The following C12orf54 variants were observed in gnomAD, a reference collection of about 807,000 sequenced individuals.
C12orf54 encodes the protein uncharacterized protein C12orf54.
A neutral mutation model predicts 26.4 loss-of-function variants in C12orf54; 24 were observed. That is an observed-to-expected ratio of 0.91 (90% confidence interval 0.66 to 1.28). The LOEUF (loss-of-function observed/expected upper bound fraction) is 1.28, where lower values mean the gene tolerates loss of function less well. Ranked by LOEUF, C12orf54 falls within the 50% of genes most tolerant of loss-of-function variation. C12orf54 has a pLI of 0.00. For synonymous variants in C12orf54, 54 were observed against 47.0 expected (o/e 1.15, Z -0.61); for missense variants, 154 against 150.9 (o/e 1.02, Z -0.11).
chr12:48,466,788 T>A, the C12orf54 span, among the ~76,000 whole-genome samples: 1 of 152,156 alleles, frequency 6.6e-6, no homozygotes, highest in South Asian at 2.1e-4. Flanking sequence ...ATTAATTTTT[T>A]AAATATACAA....
At chr12:48,474,766 A>G in the C12orf54 span, among the ~76,000 whole-genome samples, 1 of 152,258 alleles carries the variant, frequency 6.6e-6, no homozygotes, top group Non-Finnish European at 1.5e-5. Flanking sequence ...AACTGGGTGG[A>G]GCCCACCACA....
At chr12:48,418,214 A>G in the C12orf54 span, among the ~76,000 whole-genome samples, 5 of 152,230 alleles carry the variant, frequency 3.3e-5, no homozygotes, top group Non-Finnish European at 5.9e-5. Context: ...AAAGCAAAGC[A>G]TGTATAAAAT....
the C12orf54 span, among the ~76,000 whole-genome samples, chr12:48,468,016 T>A: frequency 1.3e-5 from 2 of 152,288 alleles, no homozygotes; most frequent in African/African-American, 4.8e-5. Flanking sequence ...GCTCATTTAT[T>A]CTACATACAT....
chr12:48,483,475 C>A (rs1954222775), intron 2 of C12orf54, 114 bp downstream of exon 2: 2 of 905,962 alleles, frequency 2.2e-6, no homozygotes, highest in Non-Finnish European at 3.4e-6. Flanking sequence ...TGCTTCCTGG[C>A]TGAATAAGAT....
At chr12:48,417,169 G>A in the C12orf54 span, 1 of 152,174 alleles carries the variant, frequency 6.6e-6, no homozygotes, top group Admixed American at 6.5e-5. Context: ...AGAAGTGCAT[G>A]GGTATGCAGA....
the C12orf54 span, among the ~76,000 whole-genome samples, chr12:48,454,243 A>G: frequency 2.0e-5 from 3 of 151,744 alleles, no homozygotes; most frequent in African/African-American, 7.3e-5. Context: ...GACTACAGGC[A>G]TACACCACCA....
At chr12:48,429,526 A>T in the C12orf54 span, among the ~76,000 whole-genome samples, 1 of 152,114 alleles carries the variant, frequency 6.6e-6, no homozygotes, top group Non-Finnish European at 1.5e-5. Context: ...CACCAACAGC[A>T]ACCAAGCAGA....
chr12:48,458,425 C>T, the C12orf54 span, among the ~76,000 whole-genome samples: 1 of 152,052 alleles, frequency 6.6e-6, no homozygotes. Flanking sequence ...CTTCTCTTTC[C>T]CATAATTGTT....
chr12:48,479,162 C>G, upstream of C12orf54, among the ~76,000 whole-genome samples: 1 of 152,152 alleles, frequency 6.6e-6, no homozygotes, highest in Non-Finnish European at 1.5e-5. Context: ...CACATATGCA[C>G]CATGGAATAC....
intron 7 of C12orf54, among the ~76,000 whole-genome samples, chr12:48,494,368 ATTC>A (rs1937865172): frequency 6.6e-6 from 1 of 152,122 alleles, no homozygotes; most frequent in African/African-American, 2.4e-5. Flanking sequence ...AAAGAGATGG[ATTC>A]TTATGCTTTA....
the C12orf54 span, among the ~76,000 whole-genome samples, chr12:48,437,865 C>T: frequency 5.9e-5 from 9 of 152,050 alleles, no homozygotes; most frequent in Non-Finnish European, 1.0e-4. Flanking sequence ...CCCTCTCTCA[C>T]CACTCCTATT....
the C12orf54 span, among the ~76,000 whole-genome samples, chr12:48,447,212 CTGTGTGTGTGTG>C: frequency 5.5e-5 from 5 of 90,970 alleles, no homozygotes; most frequent in Admixed American, 9.7e-5. Flanking sequence ...CTCTCTTACT[CTGTGTGTGTGTG>C]TGTGTGTGTG....
chr12:48,436,696 T>G, the C12orf54 span, among the ~76,000 whole-genome samples: 260 of 152,314 alleles, frequency 1.7e-3, 1 homozygote, highest in African/African-American at 6.0e-3. Context: ...AAAGATGTTC[T>G]TTGAAACCAA....
chr12:48,450,989 C>CA, the C12orf54 span, among the ~76,000 whole-genome samples: 1 of 152,158 alleles, frequency 6.6e-6, no homozygotes, highest in Non-Finnish European at 1.5e-5. Context: ...AGGCCAGCAT[C>CA]ATCCTGATAC....
chr12:48,485,799 A>T (rs1954254324), intron 2 of C12orf54, among the ~76,000 whole-genome samples: 1 of 152,252 alleles, frequency 6.6e-6, no homozygotes, highest in Non-Finnish European at 1.5e-5. Flanking sequence ...GCAGTTTGCT[A>T]ATTGAGTGTA....
chr12:48,433,663 G>A, the C12orf54 span, among the ~76,000 whole-genome samples: 2 of 152,100 alleles, frequency 1.3e-5, no homozygotes, highest in African/African-American at 4.8e-5. Flanking sequence ...TAGCCAGGAT[G>A]GTCTTGATCT....
At chr12:48,464,724 A>G in the C12orf54 span, among the ~76,000 whole-genome samples, 19,286 of 152,214 alleles carry the variant, frequency 0.13, 1,613 homozygotes, top group Non-Finnish European at 0.2. Context: ...AAACAGACAC[A>G]TAAACCAATA....
chr12:48,493,843 G>T (rs1937848267), intron 7 of C12orf54, among the ~76,000 whole-genome samples: 1 of 151,740 alleles, frequency 6.6e-6, no homozygotes. Flanking sequence ...TTTCAATAGT[G>T]CAACTGAGAA....
In C12orf54 at chr12:48,493,219, G is replaced by C. The variant is rs1278545449; in HGVS notation, c.242+224G>C. On this transcript the variant is annotated intron_variant, in intron 7 of 8. Coordinates refer to ENST00000548364, the MANE Select transcript of C12orf54 (RefSeq NM_152319.4). ...CCCATTAGAAATCCCTGAAATCTCA[G>C]AATCAGCCCTGAACCTCACCATAAG... Among the ~76,000 whole-genome samples, 4 of 152,216 alleles carry C rather than the reference G, an allele frequency of 2.6e-5. No individual in the cohort carries two copies. The East Asian group carries it at 5.8e-4, about 22-fold the overall frequency.
Sources: allele counts gnomAD v4.1 joint callset (sites outside exome capture counted in the v4.1 genomes callset), GRCh38; gene constraint gnomAD v4.1.1; transcripts MANE v1.5; gene names NCBI Gene and HGNC (gene_info 2026-07-23, HGNC 2026-07-21).